The following CADM2 variants were observed in gnomAD, a reference collection of about 807,000 sequenced individuals.
The protein encoded by CADM2 is immunoglobulin superfamily member 4D.
In CADM2, 12 loss-of-function variants were observed where a neutral mutation model predicts 49.8. The observed-to-expected ratio is 0.24, with a 90% CI of 0.15 to 0.39. CADM2 has a LOEUF of 0.39. Among genes scored for constraint, CADM2 ranks in the 10% least tolerant of loss-of-function variants. The pLI is 1.00. For missense variants in CADM2, 378 were observed against 492.3 expected (o/e 0.77, Z 2.20); for synonymous variants, 214 against 175.4 (o/e 1.22, Z -1.74).
intron 1 of CADM2, among the ~76,000 whole-genome samples, chr3:85,681,971 G>C (rs1401907280): frequency 6.6e-6 from 1 of 152,072 alleles, no homozygotes; most frequent in Non-Finnish European, 1.5e-5. Context: ...TGTGTAAGAG[G>C]CATTTTTATT....
chr3:85,118,278 A>G (rs1324850794), intron 1 of CADM2, among the ~76,000 whole-genome samples: 1 of 66,904 alleles, frequency 1.5e-5, no homozygotes, highest in East Asian at 2.0e-4. Context: ...ATATTAAAAT[A>G]TCATGTTATT....
intron 1 of CADM2, among the ~76,000 whole-genome samples, chr3:85,186,596 T>C (rs1047716089): frequency 6.6e-6 from 1 of 152,032 alleles, no homozygotes; most frequent in African/African-American, 2.4e-5. Flanking sequence ...AATTGAAATT[T>C]TGAGCTGGAT....
At chr3:85,733,024 A>C (rs570210387) in intron 2 of CADM2, among the ~76,000 whole-genome samples, 2 of 152,346 alleles carry the variant, frequency 1.3e-5, no homozygotes, top group South Asian at 4.1e-4. Flanking sequence ...TAGCCTGATG[A>C]GTAGCTAGCA....
At chr3:85,848,002 T>C (rs2074951188) in intron 3 of CADM2, among the ~76,000 whole-genome samples, 1 of 152,158 alleles carries the variant, frequency 6.6e-6, no homozygotes, top group East Asian at 1.9e-4. Context: ...TTTAATTTTC[T>C]GTATGGAATT....
rs182274258 is a variant in CADM2 at position 85,310,454 on chromosome 3, T to G, written c.61+350786T>G. Among the ~76,000 whole-genome samples the G allele has an allele frequency of 3.3e-5, 5 of 152,262 alleles. No homozygotes were observed. The East Asian group carries it at 9.7e-4, about 29-fold the overall frequency. On this transcript the variant is annotated intron_variant, in intron 1 of 9. Transcript: ENST00000383699. ...CTACACTTAACCACAATACAAGCAT[T>G]TGGGCACCTATTGTCATACTCAAGA...
chr3:85,867,663 A>G (rs1455882629), intron 3 of CADM2, among the ~76,000 whole-genome samples: 1 of 192 alleles, frequency 5.2e-3, no homozygotes, highest in Admixed American at 0.083. Flanking sequence ...TATCATAAGA[A>G]CTTAAGCATT....
chr3:85,014,156 ATATTATATATACGCAGTGTAATAATAT>A lies in CADM2; in HGVS notation c.61+54490_61+54516del. ...TTATATATACGCAGTGTAATATTGT[ATATTATATATACGCAGTGTAATAATAT>A]TGTATATTATATATACGCAGTGTAA... On this transcript the variant is annotated intron_variant, in intron 1 of 9. Coordinates refer to ENST00000383699, the MANE Select transcript of CADM2 (RefSeq NM_001167675.2). Among the ~76,000 whole-genome samples the A allele has an allele frequency of 2.0e-5, 3 of 146,844 alleles. No homozygotes were observed. In the Admixed American group the frequency reaches 2.1e-4, roughly 10 times the overall value.
intron 1 of CADM2, among the ~76,000 whole-genome samples, chr3:85,218,177 G>A (rs2041972977): frequency 6.6e-6 from 1 of 151,922 alleles, no homozygotes; most frequent in African/African-American, 2.4e-5. Context: ...TATAAAAGTG[G>A]AAATTGTGTA....
At chr3:85,780,331 C>A (rs967650419) in intron 2 of CADM2, among the ~76,000 whole-genome samples, 4 of 152,126 alleles carry the variant, frequency 2.6e-5, no homozygotes, top group African/African-American at 9.7e-5. Flanking sequence ...GCTAGTTCTT[C>A]CCACTCTTGT....
chr3:85,851,758 C>G (rs1215781535), intron 3 of CADM2, among the ~76,000 whole-genome samples: 1 of 151,272 alleles, frequency 6.6e-6, no homozygotes, highest in Non-Finnish European at 1.5e-5. Context: ...CAGAACTAGA[C>G]AGAATCTAGA....
At chr3:85,292,431 A>G (rs2043826794) in intron 1 of CADM2, among the ~76,000 whole-genome samples, 1 of 151,460 alleles carries the variant, frequency 6.6e-6, no homozygotes, top group South Asian at 2.1e-4. Context: ...GCTCTGCCCC[A>G]AGCAGACCTA....
At chr3:85,844,080 G>T (rs909670419) in intron 3 of CADM2, among the ~76,000 whole-genome samples, 3 of 152,030 alleles carry the variant, frequency 2.0e-5, no homozygotes, top group Non-Finnish European at 4.4e-5. Context: ...CTAAGCTTTA[G>T]TTTTCTCAGC....
intron 8 of CADM2, among the ~76,000 whole-genome samples, chr3:86,005,454 G>A (rs1730665050): frequency 6.6e-6 from 1 of 151,838 alleles, no homozygotes; most frequent in South Asian, 2.1e-4. Flanking sequence ...AGGAGGCTGA[G>A]GCAGGAGAAT....
chr3:85,051,836 G>A (rs1426911408), intron 1 of CADM2, among the ~76,000 whole-genome samples: 1 of 152,074 alleles, frequency 6.6e-6, no homozygotes, highest in African/African-American at 2.4e-5. Context: ...GGGCCTGGGG[G>A]GAAGTAAAGC....
At chr3:85,661,975 T>C (rs148708073) in intron 1 of CADM2, among the ~76,000 whole-genome samples, 121 of 152,132 alleles carry the variant, frequency 8.0e-4, no homozygotes, top group African/African-American at 2.8e-3. Flanking sequence ...AAACATACAG[T>C]AGGTAATTAT....
chr3:85,328,200 C>A (rs1357744291), intron 1 of CADM2, among the ~76,000 whole-genome samples: 1 of 152,144 alleles, frequency 6.6e-6, no homozygotes, highest in East Asian at 1.9e-4. Context: ...GAATTCCTGT[C>A]TAACAGGCTC....
intron 2 of CADM2, among the ~76,000 whole-genome samples, chr3:85,768,344 G>A (rs1268993624): frequency 1.3e-5 from 2 of 151,776 alleles, no homozygotes; most frequent in African/African-American, 4.8e-5. Flanking sequence ...TACTTGGGAG[G>A]CTGAGGCAGG....
At position 86,065,648 on chromosome 3, in the gene CADM2, C is replaced by T. The variant is rs768991590; in HGVS notation, c.1014C>T (p.Leu338=). 3.1e-6 allele frequency: 5 copies of T among 1,613,956 alleles called. No homozygotes were observed. The highest frequency in any genetic ancestry group is 4.2e-6 in the Non-Finnish European group (5 of 1,179,918). The part of the protein sequence containing the change: ...LAGQNGPDHA[L]IGGIVAVVVF... ...GCCAGAATGGCCCTGACCATGCTCT[C>T]ATAGGAGGAATAGTGGCTGTAGTTG... The change falls in exon 9 of 10, where the codon CTC becomes CTT. Residue 338 remains leucine (L), a synonymous_variant. Coordinates refer to ENST00000383699, the MANE Select transcript of CADM2 (RefSeq NM_001167675.2).
intron 1 of CADM2, among the ~76,000 whole-genome samples, chr3:85,477,520 T>C (rs2039027679): frequency 6.6e-6 from 1 of 151,910 alleles, no homozygotes; most frequent in African/African-American, 2.4e-5. Context: ...TTCCCTTATG[T>C]ATTATTTTTA....
Sources: gnomAD v4.1 joint callset for allele counts (sites outside exome capture counted in the v4.1 genomes callset) on GRCh38, gnomAD v4.1.1 for gene constraint, MANE v1.5 for transcripts, NCBI Gene and HGNC (gene_info 2026-07-23, HGNC 2026-07-21) for gene names.